The following PXDNL variants were observed in gnomAD, a reference collection of about 807,000 sequenced individuals.
The protein encoded by PXDNL is probable oxidoreductase PXDNL.
PXDNL carries 145 observed loss-of-function variants against 150.8 expected under a neutral mutation model. The observed-to-expected ratio is 0.96, with a 90% confidence interval of 0.84 to 1.10. The LOEUF (loss-of-function observed/expected upper bound fraction) is 1.10, where lower values mean the gene tolerates loss of function less well. Ranked by LOEUF, PXDNL falls within the 50% of genes least tolerant of loss-of-function variation. The pLI, the probability that PXDNL is intolerant of heterozygous loss-of-function variation, is 0.00. For missense variants in PXDNL, 2,087 were observed against 1,873.9 expected, an observed-to-expected ratio of 1.11 and a Z score of -2.10; for synonymous variants, 757 against 725.7, an observed-to-expected ratio of 1.04 and a Z score of -0.69.
At chr8:51,587,757 G>A (rs1813357999) in intron 3 of PXDNL, among the ~76,000 whole-genome samples, 1 of 152,066 alleles carries the variant, frequency 6.6e-6, no homozygotes, top group Non-Finnish European at 1.5e-5. Context: ...ACATAACTGA[G>A]AGTCTTAATT....
chr8:51,631,967 C>T (rs1231158068), intron 2 of PXDNL, among the ~76,000 whole-genome samples: 2 of 151,974 alleles, frequency 1.3e-5, no homozygotes, highest in Non-Finnish European at 2.9e-5. Context: ...ATACAGAAAA[C>T]AGGAAAATGA....
At chr8:51,470,191 A>G (rs28579726) in intron 8 of PXDNL, among the ~76,000 whole-genome samples, 1 of 151,910 alleles carries the variant, frequency 6.6e-6, no homozygotes, top group Non-Finnish European at 1.5e-5. Context: ...AATCTAAAGA[A>G]GGAAATAAAT....
At position 51,777,220 on chromosome 8, in the gene PXDNL, T is replaced by C. The variant is rs541585583; in HGVS notation, c.164+31961A>G. Reference sequence around the variant, plus strand: ...TTCCAATCTTCCAACATTGACCCAGTAGGGTGACTGTGGCAAGTCGCTTAA... The same window carrying C: ...TTCCAATCTTCCAACATTGACCCAGCAGGGTGACTGTGGCAAGTCGCTTAA... On this transcript the variant is annotated intron_variant, in intron 1 of 22. Coordinates refer to ENST00000356297, the MANE Select transcript of PXDNL (RefSeq NM_144651.5). 7.7e-4 allele frequency among the ~76,000 whole-genome samples: 118 copies of C among 152,320 alleles called. No homozygotes were observed. In the South Asian group the frequency reaches 0.021, roughly 27 times the overall value.
intron 5 of PXDNL, among the ~76,000 whole-genome samples, chr8:51,488,398 T>C (rs552630723): frequency 2.0e-5 from 3 of 151,568 alleles, no homozygotes; most frequent in Admixed American, 2.0e-4. Context: ...CAAACAAGGG[T>C]TCACAAAGAC....
intron 1 of PXDNL, among the ~76,000 whole-genome samples, chr8:51,696,850 C>CATAT (rs1554568145): frequency 7.8e-6 from 1 of 128,604 alleles, no homozygotes; most frequent in African/African-American, 3.3e-5. Flanking sequence ...GGTCCTGACA[C>CATAT]ACACACAGGT....
chr8:51,328,612 T>C (rs1395776928), intron 21 of PXDNL, among the ~76,000 whole-genome samples: 1 of 152,210 alleles, frequency 6.6e-6, no homozygotes, highest in African/African-American at 2.4e-5. Flanking sequence ...CCTGAAGATA[T>C]GTCAATAGTA....
chr8:51,472,236 A>C lies in PXDNL; in HGVS notation c.763T>G (p.Cys255Gly), dbSNP rs1003402622. Residue 255 changes from cysteine to glycine, a missense_variant, in exon 8 of 23, where the codon TGC becomes GGC. Cys to Gly is a radical substitution (Grantham distance 159). Transcript: ENST00000356297. The stretch of plus-strand genomic sequence containing the variant: ...GGTTTGGGGTTTCCTTCCGCCCGGC[A>C]GGTGAAGTAGACGGTATTTCCTGAT... ...VPSGNTVYFT[C>G]RAEGNPKPEI... 7 of 1,613,722 alleles carry C rather than the reference A, an allele frequency of 4.3e-6. No individual in the cohort carries two copies. The highest frequency in any genetic ancestry group is 4.0e-5 in the African/African-American group (3 of 74,906).
chr8:51,535,151 T>C (rs1812039430), intron 4 of PXDNL, among the ~76,000 whole-genome samples: 1 of 135,826 alleles, frequency 7.4e-6, no homozygotes, highest in African/African-American at 3.3e-5. Flanking sequence ...GGGGCGCTTC[T>C]GCCCGGCCGC....
intron 1 of PXDNL, among the ~76,000 whole-genome samples, chr8:51,799,817 T>C (rs1563324800): frequency 6.6e-6 from 1 of 152,284 alleles, no homozygotes; most frequent in South Asian, 2.1e-4. Context: ...GGGTGCCAAC[T>C]AGAGAGATGG....
chr8:51,729,054 G>A (rs1816870642), intron 1 of PXDNL, among the ~76,000 whole-genome samples: 1 of 152,124 alleles, frequency 6.6e-6, no homozygotes, highest in African/African-American at 2.4e-5. Flanking sequence ...GTTGCCTACA[G>A]TACTCAGTAC....
chr8:51,384,121 T>C (rs1807628875), intron 17 of PXDNL, among the ~76,000 whole-genome samples: 1 of 152,232 alleles, frequency 6.6e-6, no homozygotes, highest in African/African-American at 2.4e-5. Context: ...TATGATCATT[T>C]AGTAGCTTTT....
intron 2 of PXDNL, among the ~76,000 whole-genome samples, chr8:51,613,460 G>C (rs917772693): frequency 8.7e-5 from 10 of 114,462 alleles, no homozygotes; most frequent in Non-Finnish European, 1.7e-4. Context: ...AGAGGATCCG[G>C]GGAAACCTCA....
intron 1 of PXDNL, among the ~76,000 whole-genome samples, chr8:51,714,571 C>G (rs1175530823): frequency 2.0e-5 from 3 of 152,044 alleles, no homozygotes; most frequent in African/African-American, 7.2e-5. Flanking sequence ...ATATTGATCT[C>G]CCATTACCTG....
chr8:51,378,672 A>G (rs1462679248), intron 17 of PXDNL, among the ~76,000 whole-genome samples: 1 of 152,002 alleles, frequency 6.6e-6, no homozygotes, highest in East Asian at 1.9e-4. Context: ...ACTCACTGTG[A>G]AGATCTGCAA....
intron 17 of PXDNL, among the ~76,000 whole-genome samples, chr8:51,397,818 A>T (rs931282240): frequency 6.6e-6 from 1 of 151,960 alleles, no homozygotes; most frequent in African/African-American, 2.4e-5. Context: ...TGTTTGTTAC[A>T]TATGTATACA....
intron 1 of PXDNL, among the ~76,000 whole-genome samples, chr8:51,726,130 G>A (rs1208237595): frequency 6.6e-6 from 1 of 152,196 alleles, no homozygotes; most frequent in Non-Finnish European, 1.5e-5. Flanking sequence ...TTGATGCCCT[G>A]TGTGTATATC....
At chr8:51,795,222 A>G (rs1262462486) in intron 1 of PXDNL, among the ~76,000 whole-genome samples, 1 of 152,206 alleles carries the variant, frequency 6.6e-6, no homozygotes, top group Non-Finnish European at 1.5e-5. Flanking sequence ...CACTGTCAAT[A>G]TTAGACAGAT....
chr8:51,577,923 AAAAG>A (rs1234489822), intron 3 of PXDNL, among the ~76,000 whole-genome samples: 735 of 42,284 alleles, frequency 0.017, 38 homozygotes, highest in Non-Finnish European at 0.021. Flanking sequence ...GAAAAGAAAG[AAAAG>A]AAAGAAAGAA....
At chr8:51,556,021 C>T (rs1812592620) in intron 4 of PXDNL, among the ~76,000 whole-genome samples, 1 of 152,072 alleles carries the variant, frequency 6.6e-6, no homozygotes, top group South Asian at 2.1e-4. Flanking sequence ...ACTATAATCT[C>T]AGCACTTTGG....
Sources: allele counts gnomAD v4.1 joint callset (sites outside exome capture counted in the v4.1 genomes callset), GRCh38; gene constraint gnomAD v4.1.1; transcripts MANE v1.5; gene names NCBI Gene and HGNC (gene_info 2026-07-23, HGNC 2026-07-21).